DIP2A: variants seen among roughly 807,000 people sequenced by gnomAD.
DIP2A encodes DIP2 acetate--CoA ligase A, also known as disco-interacting protein 2 homolog A.
In DIP2A, 85 loss-of-function variants were observed where a neutral mutation model predicts 177.4. The ratio of observed to expected loss-of-function variants is 0.48; its 90% confidence interval spans 0.40 to 0.57. The LOEUF (loss-of-function observed/expected upper bound fraction) is 0.57. Among genes scored for constraint, DIP2A ranks in the 20% least tolerant of loss-of-function variants. The probability of loss-of-function intolerance (pLI) is 0.00; values close to 1 mark genes in which losing one functional copy is unlikely to be tolerated. For synonymous variants in DIP2A, 886 were observed against 881.8 expected (o/e 1.00, Z -0.08); for missense variants, 1,791 against 2,100.2 (o/e 0.85, Z 2.88).
At chr21:46,566,418 C>T in intron 36 of DIP2A, 142 bp from the exon 37 acceptor site, 1 of 1,116,026 alleles carries the variant, frequency 9.0e-7, no homozygotes, top group Non-Finnish European at 1.3e-6. Flanking sequence ...ATCACCCTTT[C>T]TGCACGTGGT....
In DIP2A at chr21:46,533,519, T is replaced by G; in HGVS notation, c.1306-5T>G. 6.2e-7 allele frequency: 1 copy of G among 1,612,776 alleles called. No individual in the cohort carries two copies. Among genetic ancestry groups the G allele is most frequent in the African/African-American group, 1.3e-5 (1 of 75,040 alleles). The stretch of plus-strand genomic sequence containing the variant: ...CACCCCACACGGTCACTCTGCTTTC[T>G]GCAGGATGCAGGCAGCCAGCAGGTT... On this transcript the variant is annotated splice_region_variant and splice_polypyrimidine_tract_variant and intron_variant, in intron 10 of 37. Transcript: ENST00000417564.
At chr21:46,574,594 C>T (rs1334581732), downstream of DIP2A, among the ~76,000 whole-genome samples, 1 of 151,970 alleles carries the variant, frequency 6.6e-6, no homozygotes, top group Non-Finnish European at 1.5e-5. Flanking sequence ...AAAAAGAAGA[C>T]AGATTACTAA....
the DIP2A span, among the ~76,000 whole-genome samples, chr21:46,578,742 A>G: frequency 3.3e-5 from 5 of 152,110 alleles, no homozygotes; most frequent in African/African-American, 1.2e-4. Flanking sequence ...TGTTCCATTT[A>G]TGTGATGAAT....
Position 46,538,547 on chromosome 21 carries a change from G to T in DIP2A, c.1866G>T (p.Arg622Ser). The change falls in exon 16 of 38, where the codon AGG becomes AGT. Residue 622 changes from arginine to serine, a missense_variant. Physicochemically the swap from Arg to Ser is moderately radical, Grantham distance 110 (BLOSUM62 -1). Coordinates refer to ENST00000417564, the MANE Select transcript of DIP2A (RefSeq NM_015151.4). ...HWSLLAQRGQ[R>S]DVSLSSLRML... ...CTCTCCTAGCTCAGCGGGGCCAGAG[G>T]GACGTCAGCCTCAGCTCACTGCGCA... 1 of 1,564,476 alleles carries T rather than the reference G, an allele frequency of 6.4e-7. No homozygotes were observed.
intron 3 of DIP2A, among the ~76,000 whole-genome samples, chr21:46,496,753 G>T (rs2057381757): frequency 6.6e-6 from 1 of 152,014 alleles, no homozygotes; most frequent in South Asian, 2.1e-4. Context: ...CAATTTTGGG[G>T]ATTTCTCTTT....
At chr21:46,551,412 T>A (rs1435121425) in intron 23 of DIP2A, among the ~76,000 whole-genome samples, 1 of 152,208 alleles carries the variant, frequency 6.6e-6, no homozygotes, top group Non-Finnish European at 1.5e-5. Flanking sequence ...AGATGCGTCG[T>A]GTAGTAAACT....
At chr21:46,581,803 T>C in the DIP2A span, among the ~76,000 whole-genome samples, 1 of 152,192 alleles carries the variant, frequency 6.6e-6, no homozygotes, top group South Asian at 2.1e-4. Flanking sequence ...CAAAGATGGC[T>C]GCCTGATCCT....
At chr21:46,472,358 A>G (rs1390049730) in intron 1 of DIP2A, among the ~76,000 whole-genome samples, 1 of 152,232 alleles carries the variant, frequency 6.6e-6, no homozygotes, top group African/African-American at 2.4e-5. Context: ...GCCTGAACAG[A>G]CGGACACTCA....
rs1368070297 is a variant in DIP2A at position 46,545,874 on chromosome 21, T to G, written c.2314-7T>G. On this transcript the variant is annotated splice_region_variant and splice_polypyrimidine_tract_variant and intron_variant, in intron 19 of 37. Transcript: ENST00000417564. ...AGCCTGATCGTGCCCCTCTCCACTT[T>G]GTGCAGGCAGTTCCGGTCACCACAG... 5.0e-6 allele frequency: 8 copies of G among 1,613,332 alleles called. No homozygotes were observed. The highest frequency in any genetic ancestry group is 6.8e-6 in the Non-Finnish European group (8 of 1,179,428).
At position 46,550,536 on chromosome 21, in the gene DIP2A, C is replaced by G; in HGVS notation, c.2638-7C>G. 1 of 1,610,636 alleles carries G rather than the reference C, an allele frequency of 6.2e-7. No individual in the cohort carries two copies. Among genetic ancestry groups the G allele is most frequent in the Non-Finnish European group, 8.5e-7 (1 of 1,178,474 alleles). On this transcript the variant is annotated splice_polypyrimidine_tract_variant and splice_region_variant and intron_variant, in intron 22 of 37. Transcript: ENST00000417564. ...GGCCTGTGCCAAACAGGGTCCTTCC[C>G]TTTCAGGCCATTGATAGCATCCACC...
At chr21:46,460,876 T>C (rs2054235720) in intron 1 of DIP2A, among the ~76,000 whole-genome samples, 1 of 152,016 alleles carries the variant, frequency 6.6e-6, no homozygotes, top group Admixed American at 6.5e-5. Context: ...GTATTTTTAG[T>C]AGAGGCAAGG....
intron 13 of DIP2A, among the ~76,000 whole-genome samples, chr21:46,535,428 T>C (rs1403887694): frequency 6.6e-6 from 1 of 152,144 alleles, no homozygotes; most frequent in Non-Finnish European, 1.5e-5. Context: ...ATCTAAAATA[T>C]AGGTGTTCAG....
intron 8 of DIP2A, among the ~76,000 whole-genome samples, chr21:46,522,597 A>G (rs770218714): frequency 1.3e-4 from 20 of 152,236 alleles, no homozygotes; most frequent in Non-Finnish European, 2.6e-4. Context: ...CTCTGATCCA[A>G]ACATGCAGAG....
In DIP2A at chr21:46,569,921, T is replaced by C. The variant is rs1458298665; in HGVS notation, c.*2299T>C. On this transcript the variant is annotated 3_prime_UTR_variant, in exon 38 of 38. Transcript: ENST00000417564. ...TAACATAAACCCTCTCAGGGATTTA[T>C]TTTTTCTTTTTAAAAATTTTTTACA... The C allele has an allele frequency of 8.6e-6, 1 of 115,954 alleles. No individual in the cohort carries two copies. The highest frequency in any genetic ancestry group is 1.7e-5 in the Non-Finnish European group (1 of 57,450). 7.2% of individuals were successfully genotyped at this position (115,954 alleles called of 1,614,324 possible). A position where few individuals can be genotyped will look rare whatever the true frequency, so the allele number is the denominator to read the frequency against.
intron 10 of DIP2A, 30 bp from the exon 11 acceptor site, chr21:46,533,494 C>T: frequency 1.2e-6 from 2 of 1,606,018 alleles, no homozygotes; most frequent in South Asian, 1.1e-5. Flanking sequence ...GTGAGCACCC[C>T]ACCCCACACG....
In DIP2A at chr21:46,545,922, G is replaced by T. The variant is rs767484239; in HGVS notation, c.2355G>T (p.Arg785Ser). Reference sequence around the variant, plus strand: ...CAGGAGGAGCACCCATCTTTGACAGGCCATTCACCAGGACAGGCCTGCTGG... The same window carrying T: ...CAGGAGGAGCACCCATCTTTGACAGTCCATTCACCAGGACAGGCCTGCTGG... ...VTTGGAPIFD[R>S]PFTRTGLLGF... is the part of the protein sequence containing the mutation. The change falls in exon 20 of 38, where the codon AGG becomes AGT. Residue 785 changes from arginine to serine, a missense_variant. Transcript: ENST00000417564. 6.2e-7 allele frequency: 1 copy of T among 1,613,898 alleles called. No individual in the cohort carries two copies. The highest frequency in any genetic ancestry group is 1.1e-5 in the South Asian group (1 of 91,078).
chr21:46,560,077 G>A (rs536021014), intron 32 of DIP2A, among the ~76,000 whole-genome samples: 11 of 152,348 alleles, frequency 7.2e-5, no homozygotes, highest in African/African-American at 2.6e-4. Flanking sequence ...GCATTGCCTT[G>A]GGAGGAAGGG....
intron 2 of DIP2A, 42 bp from the exon 3 acceptor site, chr21:46,490,558 C>T: frequency 6.6e-7 from 1 of 1,521,478 alleles, no homozygotes; most frequent in Non-Finnish European, 8.8e-7. Flanking sequence ...ATTGGAAAAG[C>T]AAATTGTTCA....
In DIP2A at chr21:46,459,184, G is replaced by C. The variant is rs760957876; in HGVS notation, c.53G>C (p.Arg18Pro). The C allele has an allele frequency of 1.3e-6, 2 of 1,524,714 alleles. No homozygotes were observed. Among genetic ancestry groups the C allele is most frequent in the Non-Finnish European group, 1.8e-6 (2 of 1,136,778 alleles). The allele number at this position is 1,524,714 out of a possible 1,614,324, so 94.4% of individuals were successfully genotyped here. ...GCGGCGCCGCTGCCTGCCGAGGTGC[G>C]GGAGAGCCTGGCTGAGCTGGAGCTG... ...LEAAPLPAEVRESLAELELEL... is the reference protein window; with the variant it reads ...LEAAPLPAEVPESLAELELEL... The change falls in exon 1 of 38, where the codon CGG becomes CCG. Residue 18 changes from arginine (R) to proline (P), a missense_variant. Physicochemically the swap from Arg to Pro is moderately radical, Grantham distance 103. Transcript: ENST00000417564.
Sources: allele counts gnomAD v4.1 joint callset (sites outside exome capture counted in the v4.1 genomes callset), GRCh38; gene constraint gnomAD v4.1.1; transcripts MANE v1.5; gene names NCBI Gene and HGNC (gene_info 2026-07-23, HGNC 2026-07-21).